Variants in CRACR2A observed in about 807,000 individuals in gnomAD.
CRACR2A encodes calcium release activated channel regulator 2A.
Under a neutral mutation model 90.5 loss-of-function variants are expected in CRACR2A, and 79 were observed. The ratio of observed to expected loss-of-function variants is 0.87; its 90% confidence interval spans 0.73 to 1.05. CRACR2A has a LOEUF of 1.05. Ranked by LOEUF, CRACR2A falls within the 50% of genes least tolerant of loss-of-function variation. CRACR2A has a pLI of 0.00. For synonymous variants in CRACR2A, 338 were observed against 356.7 expected, an observed-to-expected ratio of 0.95 and a Z score of 0.59; for missense variants, 823 against 897.2, an observed-to-expected ratio of 0.92 and a Z score of 1.06.
intron 8 of CRACR2A, among the ~76,000 whole-genome samples, chr12:3,657,567 G>T (rs1565477804): frequency 6.6e-6 from 1 of 152,170 alleles, no homozygotes; most frequent in Non-Finnish European, 1.5e-5. Flanking sequence ...CTGGTAAATG[G>T]GCAGAAGAAC....
intron 2 of CRACR2A, chr12:3,727,450 G>A (rs915055023): frequency 1.2e-4 from 18 of 152,244 alleles, no homozygotes; most frequent in Middle Eastern, 3.4e-3. Flanking sequence ...ATTCTACATC[G>A]GCTGGATGAA....
At chr12:3,723,087 G>A (rs1490634682) in intron 2 of CRACR2A, among the ~76,000 whole-genome samples, 1 of 152,164 alleles carries the variant, frequency 6.6e-6, no homozygotes, top group Non-Finnish European at 1.5e-5. Flanking sequence ...ACAATTCCTG[G>A]TGTAACTAGT....
intron 6 of CRACR2A, among the ~76,000 whole-genome samples, chr12:3,676,176 C>T (rs979312979): frequency 2.0e-5 from 3 of 152,152 alleles, no homozygotes; most frequent in African/African-American, 7.2e-5. Flanking sequence ...TGTTGTAAAC[C>T]TTGCACTGTA....
chr12:3,713,123 T>C (rs1390988900), intron 3 of CRACR2A, 114 bp downstream of exon 3: 2 of 329,762 alleles, frequency 6.1e-6, no homozygotes, highest in Non-Finnish European at 8.7e-6. Flanking sequence ...CTGATCCTCA[T>C]GAATATTAAA....
chr12:3,675,186 T>A (rs145294822), intron 6 of CRACR2A, among the ~76,000 whole-genome samples: 102 of 152,326 alleles, frequency 6.7e-4, no homozygotes, highest in African/African-American at 2.3e-3. Flanking sequence ...AAATTATCTG[T>A]GCTTGTATAA....
At chr12:3,742,649 C>T (rs1028251729) in intron 1 of CRACR2A, among the ~76,000 whole-genome samples, 3 of 152,198 alleles carry the variant, frequency 2.0e-5, no homozygotes, top group African/African-American at 7.2e-5. Context: ...ACAGCCTGGC[C>T]AGAACGTCAC....
At chr12:3,666,709 T>C (rs1015994086) in intron 7 of CRACR2A, among the ~76,000 whole-genome samples, 2 of 152,242 alleles carry the variant, frequency 1.3e-5, no homozygotes, top group African/African-American at 4.8e-5. Context: ...TAACGGCACA[T>C]AGGCCAAGGC....
intron 6 of CRACR2A, among the ~76,000 whole-genome samples, chr12:3,674,434 A>G (rs1160183520): frequency 6.6e-6 from 1 of 152,232 alleles, no homozygotes; most frequent in African/African-American, 2.4e-5. Flanking sequence ...GGAGACACAC[A>G]TGGTGGACCC....
rs73245939 is a variant in CRACR2A at position 3,660,174 on chromosome 12, G to A, written c.672-520C>T. Among the ~76,000 whole-genome samples the A allele has an allele frequency of 3.9e-5, 6 of 152,178 alleles. No homozygotes were observed. The South Asian group carries it at 1.0e-3, about 26-fold the overall frequency. ...ACCCTCTGACCCTGCACTCTCAGGG[G>A]ACTCTCCCTGTATGCCTGAGTTTGT... On this transcript the variant is annotated intron_variant, in intron 7 of 19. Coordinates refer to ENST00000440314, the MANE Select transcript of CRACR2A (RefSeq NM_001144958.2).
At chr12:3,690,870 T>C (rs1029512618) in intron 4 of CRACR2A, among the ~76,000 whole-genome samples, 3 of 152,336 alleles carry the variant, frequency 2.0e-5, no homozygotes, top group East Asian at 1.9e-4. Flanking sequence ...ATATTGAAGA[T>C]AGTTAGGTCT....
chr12:3,647,576 T>C (rs928577167), intron 11 of CRACR2A, among the ~76,000 whole-genome samples: 11 of 152,216 alleles, frequency 7.2e-5, no homozygotes, highest in Non-Finnish European at 1.3e-4. Context: ...AAATGGATTA[T>C]AGCCTGGTCA....
rs201709222 is a variant in CRACR2A, at chr12:3,627,597, G to A, written c.1817+28C>T. On this transcript the variant is annotated intron_variant, in intron 16 of 19. Transcript: ENST00000440314. ...TCAGGCATGCACGGCCTTCCCTCTG[G>A]AGCCCAGAACTTCGGGCAGCTCCTC... The A allele has an allele frequency of 1.6e-3, 2,475 of 1,551,540 alleles. 15 individuals are homozygous for A. Among genetic ancestry groups the A allele is most frequent in the South Asian group, 9.8e-3 (826 of 84,050 alleles).
chr12:3,749,832 TGTGTG>T (rs1946679988), intron 1 of CRACR2A, among the ~76,000 whole-genome samples: 1 of 136,036 alleles, frequency 7.4e-6, no homozygotes, highest in African/African-American at 2.7e-5. Context: ...TGTGTGTGTG[TGTGTG>T]TGTGTTGTGT....
At chr12:3,697,115 G>A (rs1945755128) in intron 3 of CRACR2A, 80 bp from the exon 4 acceptor site, 4 of 1,451,118 alleles carry the variant, frequency 2.8e-6, no homozygotes, top group South Asian at 1.4e-5. Flanking sequence ...GGATGAGAAG[G>A]AAGCACAGAG....
intron 2 of CRACR2A, among the ~76,000 whole-genome samples, chr12:3,722,604 C>G (rs1006461782): frequency 6.6e-6 from 1 of 152,172 alleles, no homozygotes; most frequent in African/African-American, 2.4e-5. Flanking sequence ...GCTCCTGCAT[C>G]AGGCACATTT....
intron 4 of CRACR2A, among the ~76,000 whole-genome samples, chr12:3,685,873 C>T (rs1945543826): frequency 6.6e-6 from 1 of 152,168 alleles, no homozygotes; most frequent in Admixed American, 6.5e-5. Context: ...AAAATGGTTA[C>T]AATGGTAAAT....
intron 2 of CRACR2A, among the ~76,000 whole-genome samples, chr12:3,721,702 TAAG>T (rs1946179994): frequency 6.6e-6 from 1 of 150,920 alleles, no homozygotes; most frequent in South Asian, 2.1e-4. Context: ...AAAAGGGCAA[TAAG>T]AAAAGACATG....
intron 2 of CRACR2A, among the ~76,000 whole-genome samples, chr12:3,723,745 C>G (rs1946217993): frequency 6.6e-6 from 1 of 152,116 alleles, no homozygotes; most frequent in South Asian, 2.1e-4. Flanking sequence ...ATGACCTCCA[C>G]CAGGGCCTCT....
At chr12:3,737,375 T>C (rs1565508272) in intron 1 of CRACR2A, among the ~76,000 whole-genome samples, 1 of 152,106 alleles carries the variant, frequency 6.6e-6, no homozygotes, top group Non-Finnish European at 1.5e-5. Flanking sequence ...GAGTAGGACT[T>C]GATGGGCAGG....
Sources: gnomAD v4.1 joint callset for allele counts (sites outside exome capture counted in the v4.1 genomes callset) on GRCh38, gnomAD v4.1.1 for gene constraint, MANE v1.5 for transcripts, NCBI Gene and HGNC (gene_info 2026-07-23, HGNC 2026-07-21) for gene names.